The following GABRA3 variants were observed in gnomAD, a reference collection of about 807,000 sequenced individuals.
GABRA3 encodes gamma-aminobutyric acid type A receptor subunit alpha3.
Under a neutral mutation model 30.1 loss-of-function variants are expected in GABRA3, and 10 were observed. The ratio of observed to expected loss-of-function variants is 0.33; its 90% CI spans 0.20 to 0.56. The LOEUF is 0.56. Among genes scored for constraint, GABRA3 ranks in the 20% least tolerant of loss-of-function variants. The pLI is 0.89. For missense variants in GABRA3, 233 were observed against 392.0 expected (o/e 0.59, Z 3.42); for synonymous variants, 151 against 146.8 (o/e 1.03, Z -0.21).
chrX:152,421,448 C>CA (rs909962932), intron 1 of GABRA3, among the ~76,000 whole-genome samples: 1 of 110,826 alleles, frequency 9.0e-6, no homozygotes, highest in Admixed American at 9.7e-5. Context: ...TAGAGGATAA[C>CA]ATAGGATAAT....
intron 3 of GABRA3, among the ~76,000 whole-genome samples, chrX:152,331,142 A>T: frequency 9.4e-6 from 1 of 106,125 alleles, no homozygotes; most frequent in Middle Eastern, 4.9e-3. Flanking sequence ...AATTCCCCTC[A>T]AATTTCCAGA....
intron 1 of GABRA3, among the ~76,000 whole-genome samples, chrX:152,406,998 T>C (rs372280971): frequency 3.6e-5 from 4 of 112,050 alleles, no homozygotes; most frequent in Non-Finnish European, 5.6e-5. Context: ...TGAATGACCA[T>C]TGGGCCAATA....
At chrX:152,214,354 T>A (rs1041577608) in intron 6 of GABRA3, among the ~76,000 whole-genome samples, 1 of 111,384 alleles carries the variant, frequency 9.0e-6, no homozygotes, top group Non-Finnish European at 1.9e-5. Context: ...GACATTTAGG[T>A]TGATTCCATG....
intron 3 of GABRA3, among the ~76,000 whole-genome samples, chrX:152,285,110 C>T (rs1003903595): frequency 4.5e-5 from 5 of 111,804 alleles, no homozygotes; most frequent in Non-Finnish European, 9.4e-5. Context: ...TTCTTCCACT[C>T]CCCTGCCTTT....
intron 1 of GABRA3, among the ~76,000 whole-genome samples, chrX:152,418,499 A>C (rs1226410601): frequency 8.9e-6 from 1 of 111,902 alleles, no homozygotes; most frequent in African/African-American, 3.2e-5. Context: ...ATAGCAAATC[A>C]AAATTTCTGG....
intron 5 of GABRA3, among the ~76,000 whole-genome samples, chrX:152,245,670 A>AT (rs1321724828): frequency 2.7e-5 from 3 of 111,548 alleles, no homozygotes; most frequent in Admixed American, 1.9e-4. Flanking sequence ...CTTTTCATAC[A>AT]TTTTTTTCCT....
At chrX:152,351,751 G>A (rs1940481589) in intron 2 of GABRA3, among the ~76,000 whole-genome samples, 1 of 111,642 alleles carries the variant, frequency 9.0e-6, no homozygotes, top group Admixed American at 9.6e-5. Flanking sequence ...CTTTTGTCAT[G>A]CCTTCCTTAC....
chrX:152,444,993 G>A (rs1291920685), intron 1 of GABRA3, among the ~76,000 whole-genome samples: 2 of 82,639 alleles, frequency 2.4e-5, no homozygotes, highest in South Asian at 7.1e-4. Flanking sequence ...CCCGGGAGGC[G>A]GAGCTTGCAG....
chrX:152,346,424 G>T (rs1396878072), intron 2 of GABRA3, among the ~76,000 whole-genome samples: 1 of 111,659 alleles, frequency 9.0e-6, no homozygotes, highest in Non-Finnish European at 1.9e-5. Flanking sequence ...CAGGACATCA[G>T]TCTGGGCAAA....
At chrX:152,439,786 A>T (rs1930873550) in intron 1 of GABRA3, among the ~76,000 whole-genome samples, 1 of 112,107 alleles carries the variant, frequency 8.9e-6, no homozygotes, top group African/African-American at 3.2e-5. Context: ...AACATGGATG[A>T]ATCCTAAAAG....
chrX:152,355,803 T>C (rs1940541111), intron 2 of GABRA3, among the ~76,000 whole-genome samples: 1 of 111,744 alleles, frequency 8.9e-6, no homozygotes, highest in African/African-American at 3.3e-5. Context: ...CTTGACATTG[T>C]TCACGTACAT....
At chrX:152,326,074 C>G (rs892517771) in intron 3 of GABRA3, among the ~76,000 whole-genome samples, 4 of 110,639 alleles carry the variant, frequency 3.6e-5, no homozygotes, top group Non-Finnish European at 7.6e-5. Context: ...CTTCAGTAGC[C>G]GATTTGATCA....
rs531741978 is a variant in GABRA3, at chrX:152,356,229, C to A, written c.140+8202G>T. On this transcript the variant is annotated intron_variant, in intron 2 of 9. Coordinates refer to ENST00000370314, the MANE Select transcript of GABRA3 (RefSeq NM_000808.4). ...CATAATCTTCAAATGCAGAAGCCTG[C>A]TTTCTTGCTTACAAATACTGAATGT... Among the ~76,000 whole-genome samples the A allele has an allele frequency of 7.1e-5, 8 of 112,104 alleles. No individual in the cohort carries two copies. In the South Asian group the frequency reaches 2.9e-3, roughly 41 times the overall value.
chrX:152,319,911 T>C (rs965039704), intron 3 of GABRA3, among the ~76,000 whole-genome samples: 3 of 110,187 alleles, frequency 2.7e-5, no homozygotes, highest in Admixed American at 1.9e-4. Flanking sequence ...AAAAGTAGGC[T>C]AAGGACATGA....
chrX:152,232,635 G>GTGTGTATATATGTAACAT (rs1938105774), intron 5 of GABRA3, among the ~76,000 whole-genome samples: 2 of 108,448 alleles, frequency 1.8e-5, no homozygotes, highest in South Asian at 7.9e-4. Flanking sequence ...GTGTGTGTGT[G>GTGTGTATATATGTAACAT]TGTGTATATA....
chrX:152,279,068 C>T (rs1243627566), intron 4 of GABRA3, among the ~76,000 whole-genome samples: 1 of 111,694 alleles, frequency 9.0e-6, no homozygotes, highest in Admixed American at 9.5e-5. Flanking sequence ...GTTGCCTGTT[C>T]ACTCTGATGG....
At chrX:152,411,690 A>C (rs773763684) in intron 1 of GABRA3, among the ~76,000 whole-genome samples, 2 of 111,727 alleles carry the variant, frequency 1.8e-5, no homozygotes, top group African/African-American at 6.5e-5. Context: ...ACAACACCAA[A>C]AGCACAAGGA....
intron 2 of GABRA3, among the ~76,000 whole-genome samples, chrX:152,353,111 G>A (rs1940502649): frequency 9.1e-6 from 1 of 110,156 alleles, no homozygotes. Flanking sequence ...GCTAGAATAC[G>A]CCAAATCCAT....
At chrX:152,280,534 T>C (rs542762107) in intron 4 of GABRA3, among the ~76,000 whole-genome samples, 1 of 111,578 alleles carries the variant, frequency 9.0e-6, no homozygotes, top group South Asian at 3.8e-4. Flanking sequence ...TCCATGGTGT[T>C]TGGATACTAG....
Sources: allele counts gnomAD v4.1 joint callset (sites outside exome capture counted in the v4.1 genomes callset), GRCh38; gene constraint gnomAD v4.1.1; transcripts MANE v1.5; gene names NCBI Gene and HGNC (gene_info 2026-07-23, HGNC 2026-07-21).